The following CDH8 variants were observed in gnomAD, a reference collection of about 807,000 sequenced individuals.
CDH8 encodes cadherin-8.
Under a neutral mutation model 68.1 loss-of-function variants are expected in CDH8, and 17 were observed. The observed-to-expected ratio is 0.25, with a 90% confidence interval of 0.17 to 0.37. The LOEUF is 0.37. Ranked by LOEUF, CDH8 falls within the 10% of genes least tolerant of loss-of-function variation. CDH8 has a pLI of 1.00. For synonymous variants in CDH8, 372 were observed against 365.1 expected, an observed-to-expected ratio of 1.02 and a Z score of -0.21; for missense variants, 763 against 999.3, an observed-to-expected ratio of 0.76 and a Z score of 3.19.
chr16:61,732,457 T>A (rs778980576), intron 8 of CDH8, among the ~76,000 whole-genome samples: 32 of 151,810 alleles, frequency 2.1e-4, no homozygotes, highest in African/African-American at 7.2e-4. Flanking sequence ...GAGAAAACAG[T>A]AGGATAACTT....
chr16:61,650,939 CAA>C lies in CDH8; in HGVS notation c.*2667_*2668del, dbSNP rs1963309101. 6.6e-6 allele frequency: 1 copy of C among 151,964 alleles called. No individual in the cohort carries two copies. Among genetic ancestry groups the C allele is most frequent in the African/African-American group, 2.4e-5 (1 of 41,368 alleles). The allele number at this position is 151,964 out of a possible 1,614,324, so 9.4% of individuals were successfully genotyped here. Reference sequence around the variant, plus strand: ...CAAGCTTTCATTCTGTGTTCCTAGGCAAAGAGAATACTTAGGCGATATTTGGG... The same window carrying C: ...CAAGCTTTCATTCTGTGTTCCTAGGCAGAGAATACTTAGGCGATATTTGGG... On this transcript the variant is annotated 3_prime_UTR_variant, in exon 12 of 12. Transcript: ENST00000577390.
intron 3 of CDH8, among the ~76,000 whole-genome samples, chr16:61,859,368 G>A (rs1963108968): frequency 6.6e-6 from 1 of 152,172 alleles, no homozygotes; most frequent in South Asian, 2.1e-4. Context: ...AAAGAGGGAT[G>A]ACAGGACAGA....
chr16:61,943,926 G>A (rs952560323), intron 2 of CDH8, among the ~76,000 whole-genome samples: 1 of 152,136 alleles, frequency 6.6e-6, no homozygotes, highest in African/African-American at 2.4e-5. Flanking sequence ...CAAAAGAAGG[G>A]AATCAATTTA....
At chr16:61,736,157 A>AAGG in intron 8 of CDH8, among the ~76,000 whole-genome samples, 2 of 143,276 alleles carry the variant, frequency 1.4e-5, no homozygotes, top group Admixed American at 7.0e-5. Flanking sequence ...GGAAGGAAGG[A>AAGG]AAGAAGGAAG....
At chr16:61,655,825 CCCGACTTCAAAGGACTG>C in intron 10 of CDH8, 104 bp from the exon 11 acceptor site, 1 of 1,009,358 alleles carries the variant, frequency 9.9e-7, no homozygotes, top group Non-Finnish European at 1.5e-6. Flanking sequence ...TCAAGACAAT[CCCGACTTCAAAGGACTG>C]CTCAGGCTTT....
At chr16:61,848,321 T>C (rs181512174) in intron 4 of CDH8, among the ~76,000 whole-genome samples, 1 of 152,250 alleles carries the variant, frequency 6.6e-6, no homozygotes, top group Non-Finnish European at 1.5e-5. Context: ...ATAGTCTTTC[T>C]ATCCAGCATG....
At chr16:61,829,122 T>C (rs11640872) in intron 4 of CDH8, among the ~76,000 whole-genome samples, 20,134 of 151,830 alleles carry the variant, frequency 0.13, 1,655 homozygotes, top group Middle Eastern at 0.21. Context: ...CAATATACAT[T>C]AACCTAGGAG....
intron 8 of CDH8, among the ~76,000 whole-genome samples, chr16:61,777,475 G>A (rs552773729): frequency 1.3e-4 from 20 of 152,164 alleles, no homozygotes; most frequent in East Asian, 7.8e-4. Context: ...GTATAGGTGC[G>A]TCTTATCTAC....
At chr16:61,889,504 A>C (rs2143183499) in intron 3 of CDH8, among the ~76,000 whole-genome samples, 1 of 152,332 alleles carries the variant, frequency 6.6e-6, no homozygotes, top group South Asian at 2.1e-4. Flanking sequence ...CCAGAAATAT[A>C]TTGACAAAGG....
At chr16:61,938,992 G>A (rs1176806541) in intron 2 of CDH8, among the ~76,000 whole-genome samples, 6 of 152,206 alleles carry the variant, frequency 3.9e-5, no homozygotes, top group Non-Finnish European at 5.9e-5. Flanking sequence ...GTATAAACAC[G>A]TCCGTCACTC....
chr16:61,763,251 C>G (rs1960511140), intron 8 of CDH8, among the ~76,000 whole-genome samples: 1 of 152,130 alleles, frequency 6.6e-6, no homozygotes, highest in Admixed American at 6.6e-5. Flanking sequence ...GCATTTACAG[C>G]AGGGAATGTC....
chr16:61,953,093 C>G (rs1229248364), intron 2 of CDH8, among the ~76,000 whole-genome samples: 3 of 152,122 alleles, frequency 2.0e-5, no homozygotes, highest in Non-Finnish European at 2.9e-5. Context: ...CACTCTCAAT[C>G]CTTCCACCAT....
chr16:62,000,015 T>C (rs1199427596), intron 2 of CDH8, among the ~76,000 whole-genome samples: 1 of 151,414 alleles, frequency 6.6e-6, no homozygotes, highest in Non-Finnish European at 1.5e-5. Flanking sequence ...CCTGTGTCCA[T>C]GTGTTCTCAT....
chr16:62,000,624 G>C (rs1390442771), intron 2 of CDH8, among the ~76,000 whole-genome samples: 1 of 152,158 alleles, frequency 6.6e-6, no homozygotes, highest in East Asian at 1.9e-4. Context: ...CATTTACTTT[G>C]AACCCACAGT....
chr16:61,924,304 T>A (rs548833262), intron 2 of CDH8, among the ~76,000 whole-genome samples: 1 of 152,206 alleles, frequency 6.6e-6, no homozygotes, highest in Non-Finnish European at 1.5e-5. Flanking sequence ...CTTGATTATG[T>A]TGAAATATAC....
At chr16:61,800,119 A>C (rs1961587141) in intron 7 of CDH8, among the ~76,000 whole-genome samples, 1 of 152,300 alleles carries the variant, frequency 6.6e-6, no homozygotes, top group South Asian at 2.1e-4. Context: ...CATGTTGCCT[A>C]GGCTGGTGGT....
intron 10 of CDH8, among the ~76,000 whole-genome samples, chr16:61,706,597 G>C (rs995010654): frequency 3.0e-5 from 4 of 133,886 alleles, no homozygotes; most frequent in Non-Finnish European, 6.2e-5. Flanking sequence ...CTCCAGCCTG[G>C]GCACCAGAGC....
At chr16:61,720,567 C>T (rs1959209416) in intron 9 of CDH8, among the ~76,000 whole-genome samples, 1 of 150,864 alleles carries the variant, frequency 6.6e-6, no homozygotes, top group Non-Finnish European at 1.5e-5. Context: ...GCAAGATTCC[C>T]AGTCAATACA....
chr16:61,836,615 A>T (rs1394648167), intron 4 of CDH8, among the ~76,000 whole-genome samples: 2 of 151,976 alleles, frequency 1.3e-5, no homozygotes, highest in African/African-American at 4.8e-5. Flanking sequence ...AGCTATTTCA[A>T]TGAGAGATCT....
Sources: allele counts gnomAD v4.1 joint callset (sites outside exome capture counted in the v4.1 genomes callset), GRCh38; gene constraint gnomAD v4.1.1; transcripts MANE v1.5; gene names NCBI Gene and HGNC (gene_info 2026-07-23, HGNC 2026-07-21).